The following HEMK2 variants were observed in gnomAD, a reference collection of about 807,000 sequenced individuals.
HEMK2 encodes methyltransferase HEMK2.
At chr21:28,875,606 A>T in the HEMK2 span, 1 of 152,740 alleles carries the variant, frequency 6.5e-6, no homozygotes, top group Non-Finnish European at 1.5e-5. Context: ...CAAAACTAGC[A>T]GCTTTTTGAG....
At chr21:28,878,165 C>T in the HEMK2 span, 2 of 1,505,654 alleles carry the variant, frequency 1.3e-6, no homozygotes, top group African/African-American at 1.4e-5. Flanking sequence ...AACATAAATG[C>T]TTAAACAATA....
At chr21:28,776,576 G>T in the HEMK2 span, among the ~76,000 whole-genome samples, 372 of 152,234 alleles carry the variant, frequency 2.4e-3, 4 homozygotes, top group Middle Eastern at 0.02. Context: ...TGACTCACAC[G>T]ATCACAAGGT....
the HEMK2 span, among the ~76,000 whole-genome samples, chr21:28,636,733 C>G: frequency 1.2e-3 from 188 of 152,304 alleles, 1 homozygote; most frequent in African/African-American, 4.4e-3. Context: ...GTACATGCAT[C>G]TTGCTTCCCA....
the HEMK2 span, among the ~76,000 whole-genome samples, chr21:28,731,770 A>G: frequency 6.3e-3 from 871 of 138,970 alleles, 7 homozygotes; most frequent in Non-Finnish European, 9.1e-3. Flanking sequence ...AAAAAAAAAA[A>G]AAAGAAAGAA....
At chr21:28,612,530 G>A in the HEMK2 span, among the ~76,000 whole-genome samples, 1 of 152,136 alleles carries the variant, frequency 6.6e-6, no homozygotes, top group Non-Finnish European at 1.5e-5. Context: ...AACAAGGCAA[G>A]GATGCCCACT....
At chr21:28,684,380 C>T in the HEMK2 span, among the ~76,000 whole-genome samples, 85,687 of 152,108 alleles carry the variant, frequency 0.56, 27,108 homozygotes, top group African/African-American at 0.85. Flanking sequence ...TCCAAATGCA[C>T]TAGGCTAAAC....
chr21:28,830,298 A>G, the HEMK2 span, among the ~76,000 whole-genome samples: 101 of 152,136 alleles, frequency 6.6e-4, no homozygotes, highest in Non-Finnish European at 1.0e-3. Flanking sequence ...TGCTCTTGCG[A>G]TAGTAAGTTC....
the HEMK2 span, among the ~76,000 whole-genome samples, chr21:28,693,934 A>AT: frequency 1.3e-5 from 2 of 152,120 alleles, no homozygotes; most frequent in African/African-American, 2.4e-5. Flanking sequence ...TCAAGAGAGA[A>AT]TTTTTTTTCA....
the HEMK2 span, among the ~76,000 whole-genome samples, chr21:28,603,324 T>C: frequency 1.3e-5 from 2 of 152,196 alleles, no homozygotes; most frequent in African/African-American, 2.4e-5. Flanking sequence ...TTTTCAGGCA[T>C]TGCCCATAGA....
the HEMK2 span, among the ~76,000 whole-genome samples, chr21:28,825,898 A>G: frequency 3.3e-5 from 5 of 152,200 alleles, no homozygotes; most frequent in African/African-American, 1.2e-4. Flanking sequence ...ATCCACCTAC[A>G]TCTCTGGGTC....
At chr21:28,823,255 C>G in the HEMK2 span, among the ~76,000 whole-genome samples, 21 of 152,202 alleles carry the variant, frequency 1.4e-4, no homozygotes, top group South Asian at 2.3e-3. Flanking sequence ...AGTTTTATAT[C>G]CAAGGCTTTG....
chr21:28,850,977 G>A, the HEMK2 span, among the ~76,000 whole-genome samples: 1 of 152,126 alleles, frequency 6.6e-6, no homozygotes, highest in African/African-American at 2.4e-5. Context: ...GTGCCCAGAT[G>A]CATATATACC....
the HEMK2 span, among the ~76,000 whole-genome samples, chr21:28,835,566 TA>T: frequency 6.6e-6 from 1 of 151,984 alleles, no homozygotes; most frequent in Non-Finnish European, 1.5e-5. Flanking sequence ...CAGGTAATAC[TA>T]CAAAACAAGG....
the HEMK2 span, among the ~76,000 whole-genome samples, chr21:28,653,863 T>C: frequency 3.3e-3 from 506 of 152,244 alleles, 3 homozygotes; most frequent in African/African-American, 0.012. Flanking sequence ...TAAATGATCA[T>C]GAAAAATGTA....
chr21:28,831,725 AGG>A, the HEMK2 span, among the ~76,000 whole-genome samples: 52 of 138,392 alleles, frequency 3.8e-4, no homozygotes, highest in East Asian at 5.3e-3. Flanking sequence ...GAAGGAAGGA[AGG>A]AAGGAAGGAA....
the HEMK2 span, among the ~76,000 whole-genome samples, chr21:28,771,518 A>AACCCCCCCC: frequency 9.5e-6 from 1 of 105,594 alleles, no homozygotes; most frequent in African/African-American, 3.4e-5. Flanking sequence ...AAGATGCACC[A>AACCCCCCCC]CCCCCCCCCG....
the HEMK2 span, among the ~76,000 whole-genome samples, chr21:28,611,843 C>A: frequency 7.0e-6 from 1 of 143,588 alleles, no homozygotes; most frequent in African/African-American, 2.6e-5. Context: ...AGGAGGGAAG[C>A]AGAGGTTGCA....
the HEMK2 span, among the ~76,000 whole-genome samples, chr21:28,777,870 T>C: frequency 1.3e-5 from 2 of 152,212 alleles, no homozygotes; most frequent in Non-Finnish European, 2.9e-5. Context: ...AATAAAGTTC[T>C]AAAGAAAATT....
At chr21:28,751,372 C>A in the HEMK2 span, among the ~76,000 whole-genome samples, 1 of 152,062 alleles carries the variant, frequency 6.6e-6, no homozygotes, top group Admixed American at 6.6e-5. Context: ...TGAAAAGAAC[C>A]CACTATCATT....
Sources: gnomAD v4.1 joint callset for allele counts (sites outside exome capture counted in the v4.1 genomes callset) on GRCh38, gnomAD v4.1.1 for gene constraint, MANE v1.5 for transcripts, NCBI Gene and HGNC (gene_info 2026-07-23, HGNC 2026-07-21) for gene names.